SEC14L2: variants seen among roughly 807,000 people sequenced by gnomAD.
SEC14L2 encodes the protein SEC14 like lipid binding 2, also known as SEC14-like protein 2.
A neutral mutation model predicts 56.9 loss-of-function variants in SEC14L2; 50 were observed. That is an observed-to-expected ratio of 0.88 (90% confidence interval 0.70 to 1.11). The LOEUF is 1.11. Ranked by LOEUF, SEC14L2 falls within the 50% of genes most tolerant of loss-of-function variation. The pLI is 0.00. For synonymous variants in SEC14L2, 179 were observed against 188.5 expected, an observed-to-expected ratio of 0.95 and a Z score of 0.41; for missense variants, 414 against 500.7, an observed-to-expected ratio of 0.83 and a Z score of 1.65.
chr22:30,424,755 A>AT lies in SEC14L2; in HGVS notation c.*2350dup. 1 of 456,598 alleles carries AT rather than the reference A, an allele frequency of 2.2e-6. No homozygotes were observed. Among genetic ancestry groups the AT allele is most frequent in the Non-Finnish European group, 4.4e-6 (1 of 226,966 alleles). 28.3% of individuals were successfully genotyped at this position (456,598 alleles called of 1,614,324 possible). ...CCAGGATTGTCTCCAACGCCGCTCA[A>AT]TTATACCCGCCAAGGAGTCACAGAG... On this transcript the variant is annotated 3_prime_UTR_variant, in exon 12 of 12. Transcript: ENST00000615189.
intron 1 of SEC14L2, chr22:30,398,660 C>A: frequency 2.1e-6 from 1 of 469,318 alleles, no homozygotes. Flanking sequence ...CCCCCGCTGC[C>A]TTTGAAGTCC....
chr22:30,405,603 C>T (rs1601774779), intron 2 of SEC14L2, among the ~76,000 whole-genome samples: 4 of 152,296 alleles, frequency 2.6e-5, no homozygotes, highest in Middle Eastern at 6.8e-3. Flanking sequence ...TGGGTGGAGG[C>T]TCATCAACCC....
chr22:30,417,422 A>G (rs1934416179), intron 11 of SEC14L2, among the ~76,000 whole-genome samples: 1 of 152,230 alleles, frequency 6.6e-6, no homozygotes, highest in South Asian at 2.1e-4. Context: ...TCAAATCTCC[A>G]GTTTCTTTTT....
chr22:30,407,440 G>T lies in SEC14L2; in HGVS notation c.260G>T (p.Gly87Val), dbSNP rs1934127464. 6.2e-7 allele frequency: 1 copy of T among 1,614,134 alleles called. No individual in the cohort carries two copies. Among genetic ancestry groups the T allele is most frequent in the Non-Finnish European group, 8.5e-7 (1 of 1,180,006 alleles). The change falls in exon 5 of 12, where the codon GGT becomes GTT. Residue 87 changes from glycine to valine, a missense_variant. Gly to Val is a moderately radical substitution (Grantham distance 109). Transcript: ENST00000615189. ...PEVIQQYLSG[G>V]MCGYDLDGCP... ...GTGATCCAACAGTATCTGTCAGGGG[G>T]TATGTGTGGCTATGACCTGGATGGC...
At chr22:30,420,184 C>T (rs1167270020) in intron 11 of SEC14L2, among the ~76,000 whole-genome samples, 1 of 152,044 alleles carries the variant, frequency 6.6e-6, no homozygotes, top group Non-Finnish European at 1.5e-5. Flanking sequence ...AACTCCCGGC[C>T]TCAGGTGATC....
At chr22:30,416,482 T>C (rs915979210) in intron 11 of SEC14L2, 79 bp downstream of exon 11, 1 of 1,609,120 alleles carries the variant, frequency 6.2e-7, no homozygotes, top group Admixed American at 1.7e-5. Context: ...CCTCCATGGA[T>C]TTTTGGCTCT....
Position 30,417,578 on chromosome 22 carries a change from G to C in SEC14L2, c.1081+1175G>C, listed in dbSNP as rs1286799462. Among the ~76,000 whole-genome samples, 5 of 152,166 alleles carry C rather than the reference G, an allele frequency of 3.3e-5. No homozygotes were observed. In the East Asian group the frequency reaches 9.6e-4, roughly 29 times the overall value. On this transcript the variant is annotated intron_variant, in intron 11 of 11. Transcript: ENST00000615189. ...ACTGCTACACTGGGGTATCTCACAG[G>C]GATACCTGATGATTTGATGTGATAG...
chr22:30,423,273 T>C lies in SEC14L2; in HGVS notation c.*866T>C. The C allele has an allele frequency of 6.6e-6, 1 of 152,326 alleles. No individual in the cohort carries two copies. Among genetic ancestry groups the C allele is most frequent in the Non-Finnish European group, 1.5e-5 (1 of 68,006 alleles). 9.4% of individuals were successfully genotyped at this position (152,326 alleles called of 1,614,324 possible). On this transcript the variant is annotated 3_prime_UTR_variant, in exon 12 of 12. Transcript: ENST00000615189. ...CATGTGAGCAACCCCGAGACAAAAA[T>C]GCTAAGTGGGATCAAGAGAGCAGCA...
intron 5 of SEC14L2, among the ~76,000 whole-genome samples, chr22:30,408,851 C>T (rs1280202209): frequency 3.9e-5 from 6 of 152,226 alleles, no homozygotes; most frequent in Admixed American, 3.9e-4. Context: ...TGTCCTCGGG[C>T]ATAAGTGGCT....
chr22:30,412,371 C>CTT (rs80102907), intron 8 of SEC14L2, among the ~76,000 whole-genome samples: 17 of 147,554 alleles, frequency 1.2e-4, no homozygotes, highest in Non-Finnish European at 1.7e-4. Context: ...AAGGGACCCC[C>CTT]TTTTTTTTTT....
chr22:30,403,512 C>G (rs1164383854), intron 2 of SEC14L2, among the ~76,000 whole-genome samples: 2 of 152,212 alleles, frequency 1.3e-5, no homozygotes, highest in Non-Finnish European at 2.9e-5. Flanking sequence ...TTGCCCCTGA[C>G]CAGGGCAGCA....
At chr22:30,418,063 T>A (rs1934431609) in intron 11 of SEC14L2, among the ~76,000 whole-genome samples, 1 of 152,012 alleles carries the variant, frequency 6.6e-6, no homozygotes, top group South Asian at 2.1e-4. Context: ...TTAATACATA[T>A]AAGCTTGAAT....
intron 11 of SEC14L2, among the ~76,000 whole-genome samples, chr22:30,418,549 A>C (rs934068866): frequency 2.0e-5 from 3 of 152,232 alleles, no homozygotes; most frequent in South Asian, 2.1e-4. Flanking sequence ...TTGGGCTTGC[A>C]AACCCCCAAA....
intron 2 of SEC14L2, 29 bp downstream of exon 2, chr22:30,399,747 G>T: frequency 6.3e-7 from 1 of 1,599,462 alleles, no homozygotes; most frequent in South Asian, 1.1e-5. Flanking sequence ...CGGGAGGCTG[G>T]GGCAGGGGCT....
rs1933769183 is a variant in SEC14L2, at chr22:30,397,066, C to T, written c.-51C>T. ...GGACGAGTCTGTGCTCCATCAGCTG[C>T]CGCACCCGCCGCCTCCCGCCCCCAA... On this transcript the variant is annotated 5_prime_UTR_variant, in exon 1 of 12. Transcript: ENST00000615189. 6.6e-7 allele frequency: 1 copy of T among 1,505,990 alleles called. No individual in the cohort carries two copies. The highest frequency in any genetic ancestry group is 1.4e-5 in the African/African-American group (1 of 71,822). The allele number at this position is 1,505,990 out of a possible 1,614,324, so 93.3% of individuals were successfully genotyped here. A position where few individuals can be genotyped will look rare whatever the true frequency, so the allele number is the denominator to read the frequency against.
intron 8 of SEC14L2, among the ~76,000 whole-genome samples, chr22:30,411,748 A>AAAAAAAAAAAAG: frequency 6.7e-6 from 1 of 149,860 alleles, no homozygotes; most frequent in African/African-American, 2.5e-5. Flanking sequence ...GTCTCAAAAA[A>AAAAAAAAAAAAG]AAAAAAAAAA....
intron 10 of SEC14L2, 57 bp from the exon 11 acceptor site, chr22:30,416,177 C>A: frequency 6.2e-7 from 1 of 1,608,908 alleles, no homozygotes. Context: ...GGTGCCAGGA[C>A]CCCGGAGAGG....
At chr22:30,402,153 C>T (rs115722266) in intron 2 of SEC14L2, among the ~76,000 whole-genome samples, 3,767 of 152,154 alleles carry the variant, frequency 0.025, 51 homozygotes, top group East Asian at 0.032. Context: ...AGTGTGGGGG[C>T]GGCAGTGGAA....
At position 30,407,273 on chromosome 22, in the gene SEC14L2, T is replaced by G. The variant is rs1347471238; in HGVS notation, c.234+119T>G. The G allele has an allele frequency of 4.9e-6, 7 of 1,432,648 alleles. No individual in the cohort carries two copies. In the Admixed American group the frequency reaches 1.2e-4, roughly 25 times the overall value. The allele number at this position is 1,432,648 out of a possible 1,614,324, so 88.7% of individuals were successfully genotyped here. On this transcript the variant is annotated intron_variant, in intron 4 of 11. Transcript: ENST00000615189. ...AGGTCTGACAATGCCCACTGAGCCC[T>G]GATGGTCTCCAGAATGGGCATCTGT...
Sources: allele counts gnomAD v4.1 joint callset (sites outside exome capture counted in the v4.1 genomes callset), GRCh38; gene constraint gnomAD v4.1.1; transcripts MANE v1.5; gene names NCBI Gene and HGNC (gene_info 2026-07-23, HGNC 2026-07-21).